ZNF541: variants seen among roughly 807,000 people sequenced by gnomAD.
The protein encoded by ZNF541 is zinc finger protein 541.
Under a neutral mutation model 123.5 loss-of-function variants are expected in ZNF541, and 23 were observed. That is an observed-to-expected ratio of 0.19 (90% CI 0.13 to 0.26). The LOEUF (loss-of-function observed/expected upper bound fraction) is 0.26, where lower values mean the gene tolerates loss of function less well. Ranked by LOEUF, ZNF541 falls within the 10% of genes least tolerant of loss-of-function variation. ZNF541 has a pLI of 1.00. For synonymous variants in ZNF541, 751 were observed against 754.5 expected (o/e 1.00, Z 0.08); for missense variants, 1,612 against 1,789.9 (o/e 0.90, Z 1.79).
intron 2 of ZNF541, among the ~76,000 whole-genome samples, chr19:47,571,251 T>C (rs1328935688): frequency 6.6e-6 from 1 of 152,014 alleles, no homozygotes; most frequent in African/African-American, 2.4e-5. Context: ...TAGCTGGGAC[T>C]ACAGGCGCCT....
At chr19:47,564,996 A>C (rs1971207471) in intron 2 of ZNF541, among the ~76,000 whole-genome samples, 1 of 152,226 alleles carries the variant, frequency 6.6e-6, no homozygotes, top group Admixed American at 6.5e-5. Flanking sequence ...AAATAATGGC[A>C]TTCACAGCAA....
At position 47,532,204 on chromosome 19, in the gene ZNF541, T is replaced by G; in HGVS notation, c.3225A>C (p.Gly1075=). 6.4e-7 allele frequency: 1 copy of G among 1,551,848 alleles called. No homozygotes were observed. Among genetic ancestry groups the G allele is most frequent in the East Asian group, 2.4e-5 (1 of 40,924 alleles). The change falls in exon 11 of 17, where the codon GGA becomes GGC. Residue 1075 remains glycine, a synonymous_variant. Coordinates refer to ENST00000391901, the MANE Select transcript of ZNF541 (RefSeq NM_001277075.3). ...IPELQERSLA[G]TDEHVASLVW... ...CCAGAGAAGCTACATGCTCGTCAGTTCCAGCCAGGGATCTCTCCTGGAGTT... is the reference window on the plus strand; with the variant it reads ...CCAGAGAAGCTACATGCTCGTCAGTGCCAGCCAGGGATCTCTCCTGGAGTT...
intron 14 of ZNF541, among the ~76,000 whole-genome samples, chr19:47,524,078 C>G (rs1241792324): frequency 6.6e-6 from 1 of 152,140 alleles, no homozygotes; most frequent in African/African-American, 2.4e-5. Context: ...AGGGCAGTGA[C>G]ACAGTCTTGC....
chr19:47,545,137 G>A lies in ZNF541; in HGVS notation c.1392C>T (p.Pro464=), dbSNP rs1970276612. 2 of 1,482,172 alleles carry A rather than the reference G, an allele frequency of 1.3e-6. No individual in the cohort carries two copies. The allele number at this position is 1,482,172 out of a possible 1,614,324, so 91.8% of individuals were successfully genotyped here. The change falls in exon 5 of 17, where the codon CCC becomes CCT. Residue 464 remains proline (P), a synonymous_variant. Transcript: ENST00000391901. This position sits in a 1 kb window ranked among gnomAD's most constrained non-coding sequence, Gnocchi z 7.5. The part of the protein sequence containing the change: ...GSPSEESPPG[P]GGGLEDALPF... ...GCAGAGCATCCTCCAGGCCACCGCC[G>A]GGGCCGGGCGGGGACTCCTCCGAGG...
chr19:47,545,481 A>C lies in ZNF541; in HGVS notation c.1048T>G (p.Phe350Val), dbSNP rs1478529421. The C allele has an allele frequency of 3.4e-6, 5 of 1,489,816 alleles. No homozygotes were observed. The South Asian group carries it at 6.7e-5, about 20-fold the overall frequency. The allele number at this position is 1,489,816 out of a possible 1,614,324, so 92.3% of individuals were successfully genotyped here. The stretch of plus-strand genomic sequence containing the variant: ...GCGGCCCTGGAATTAGGGGCTGTGA[A>C]CACGTCAGTGGCCGGCTCTTTCTGT... Reference protein sequence around the residue: ...LPQKEPATDVFTAPNSRAAEN... With the variant: ...LPQKEPATDVVTAPNSRAAEN... The change falls in exon 5 of 17, where the codon TTC becomes GTC. Residue 350 changes from phenylalanine (F) to valine (V), a missense_variant. Transcript: ENST00000391901. The surrounding 1 kb of genome is among the most constrained non-coding windows in gnomAD (Gnocchi z 7.5).
chr19:47,567,436 T>C (rs530536766), intron 2 of ZNF541, among the ~76,000 whole-genome samples: 1 of 152,232 alleles, frequency 6.6e-6, no homozygotes, highest in African/African-American at 2.4e-5. Flanking sequence ...TTTTTGTATT[T>C]TTAGTAGAGA....
chr19:47,521,868 T>C lies in ZNF541; in HGVS notation c.3697A>G (p.Arg1233Gly). The change falls in exon 15 of 17, where the codon AGG becomes GGG. Residue 1233 changes from arginine to glycine, a missense_variant. Transcript: ENST00000391901. The surrounding 1 kb of genome is among the most constrained non-coding windows in gnomAD (Gnocchi z 4.2). ...RVKREPEEVE[R>G]TEEKVPCSPR... is the part of the protein sequence containing the mutation. ...GGTTCCTCTACCTTTTCCTCTGTCC[T>C]TTCCACTTCCTCCGGCTCTCTCTTG... is the stretch of plus-strand genomic sequence containing the variant. 1 of 1,551,796 alleles carries C rather than the reference T, an allele frequency of 6.4e-7. No homozygotes were observed. Among genetic ancestry groups the C allele is most frequent in the Non-Finnish European group, 8.7e-7 (1 of 1,147,006 alleles).
chr19:47,521,577 G>A lies in ZNF541; in HGVS notation c.3789C>T (p.Ser1263=). The stretch of plus-strand genomic sequence containing the variant: ...CTGCATTTGGGCTGGAGCTGAGGAT[G>A]GACTCCCTCCTATAACTCTTGGTCT... ...KLKTKSYRRE[S]ILSSSPNAGS... The change falls in exon 16 of 17, where the codon TCC becomes TCT. Residue 1263 remains serine, a synonymous_variant. Coordinates refer to ENST00000391901, the MANE Select transcript of ZNF541 (RefSeq NM_001277075.3). The surrounding 1 kb of genome is among the most constrained non-coding windows in gnomAD (Gnocchi z 4.2). 1.3e-6 allele frequency: 2 copies of A among 1,551,704 alleles called. No homozygotes were observed. The highest frequency in any genetic ancestry group is 1.7e-6 in the Non-Finnish European group (2 of 1,146,976).
At chr19:47,537,256 ATC>A (rs1969863752) in intron 9 of ZNF541, among the ~76,000 whole-genome samples, 1 of 152,098 alleles carries the variant, frequency 6.6e-6, no homozygotes, top group African/African-American at 2.4e-5. Context: ...AGCTCAATAA[ATC>A]TGTTAGGAAA....
Position 47,521,976 on chromosome 19 carries a change from C to T in ZNF541, c.3589G>A (p.Ala1197Thr), listed in dbSNP as rs377161876. 9.7e-6 allele frequency: 15 copies of T among 1,552,160 alleles called. No homozygotes were observed. The African/African-American group carries it at 1.8e-4, about 18-fold the overall frequency. Residue 1197 changes from alanine (A) to threonine (T), a missense_variant, in exon 15 of 17, where the codon GCT becomes ACT. Ala to Thr is a moderately conservative substitution (Grantham distance 58). Around this residue, in one of 5 missense-constraint regions of ZNF541, gnomAD observed 285 missense variants for 407.3 expected, o/e 0.70. Transcript: ENST00000391901. The surrounding 1 kb of genome is among the most constrained non-coding windows in gnomAD (Gnocchi z 4.2). ...ATGTAATAATACTCAACGCACTGAG[C>T]TACCGTCTTTGTCTGGATCTAGTGA... ...IHKMIQTKTV[A>T]QCVEYYYIWK...
In ZNF541 at chr19:47,549,430, G is replaced by A; in HGVS notation, c.363C>T (p.Thr121=). The A allele has an allele frequency of 6.4e-6, 10 of 1,551,688 alleles. No individual in the cohort carries two copies. The highest frequency in any genetic ancestry group is 7.8e-6 in the Non-Finnish European group (9 of 1,147,000). ...GCTTTCCTTTCCTGGCACTCCCCGAGGTGGCCCTTCCTCCTTCGTCAGCCT... is the reference window on the plus strand; with the variant it reads ...GCTTTCCTTTCCTGGCACTCCCCGAAGTGGCCCTTCCTCCTTCGTCAGCCT... ...AKEADEGGRA[T]SGSARKGKRQ... The change falls in exon 4 of 17, where the codon ACC becomes ACT. Residue 121 remains threonine, a synonymous_variant. Coordinates refer to ENST00000391901, the MANE Select transcript of ZNF541 (RefSeq NM_001277075.3).
intron 5 of ZNF541, 63 bp from the exon 6 acceptor site, chr19:47,541,014 T>A (rs2123085074): frequency 4.1e-6 from 6 of 1,458,776 alleles, no homozygotes; most frequent in South Asian, 1.3e-5. Flanking sequence ...GAGCTCAAAT[T>A]ACAGACTTTT....
chr19:47,546,292 G>C (rs1010321572), intron 4 of ZNF541, among the ~76,000 whole-genome samples: 4 of 151,504 alleles, frequency 2.6e-5, no homozygotes, highest in African/African-American at 7.3e-5. Context: ...TGGATCACTT[G>C]AGGTCAGGAG....
chr19:47,548,551 A>G (rs1312895096), intron 4 of ZNF541, among the ~76,000 whole-genome samples: 1 of 152,058 alleles, frequency 6.6e-6, no homozygotes, highest in African/African-American at 2.4e-5. Flanking sequence ...ATCCCAAAAC[A>G]CAGAGAACAC....
At chr19:47,543,075 G>A (rs905478072) in intron 5 of ZNF541, among the ~76,000 whole-genome samples, 1 of 152,098 alleles carries the variant, frequency 6.6e-6, no homozygotes, top group African/African-American at 2.4e-5. Context: ...AGGGGTTCAA[G>A]ACCAGGCTGG....
At chr19:47,556,746 T>C (rs1418313171) in intron 2 of ZNF541, among the ~76,000 whole-genome samples, 1 of 149,724 alleles carries the variant, frequency 6.7e-6, no homozygotes, top group Non-Finnish European at 1.5e-5. Context: ...GGAATGATAA[T>C]TTTTTTTCTT....
In ZNF541 at chr19:47,529,031, G is replaced by A. The variant is rs1017736247; in HGVS notation, c.3489C>T (p.Asp1163=). The A allele has an allele frequency of 2.7e-5, 42 of 1,551,150 alleles. No individual in the cohort carries two copies. Among genetic ancestry groups the A allele is most frequent in the East Asian group, 4.9e-5 (2 of 40,916 alleles). Reference sequence around the variant, plus strand: ...GCCTCTTCTCTATAGGGGTCCAGACGTCTGAACCTATCAAAGAACACAGCC... The same window carrying A: ...GCCTCTTCTCTATAGGGGTCCAGACATCTGAACCTATCAAAGAACACAGCC... The part of the protein sequence containing the change: ...LLADYRYTGS[D]VWTPIEKRLF... The change falls in exon 14 of 17, where the codon GAC becomes GAT. Residue 1163 remains aspartate, a synonymous_variant. Transcript: ENST00000391901.
rs1969019130 is a variant in ZNF541 at position 47,521,407 on chromosome 19, G to A, written c.3888-30C>T. The stretch of plus-strand genomic sequence containing the variant: ...GGAGTCACCAGAGGACATGGGGTCA[G>A]AGCAGGGAGGAAGGGATCACAGGGG... On this transcript the variant is annotated intron_variant, in intron 16 of 16. Transcript: ENST00000391901. The surrounding 1 kb of genome is among the most constrained non-coding windows in gnomAD (Gnocchi z 4.2). The A allele has an allele frequency of 1.3e-6, 2 of 1,551,118 alleles. No individual in the cohort carries two copies. Among genetic ancestry groups the A allele is most frequent in the Admixed American group, 3.9e-5 (2 of 50,988 alleles).
At chr19:47,532,101 G>A (rs1308110331) in intron 11 of ZNF541, 27 bp downstream of exon 11, 3 of 1,549,682 alleles carry the variant, frequency 1.9e-6, no homozygotes, top group Non-Finnish European at 2.6e-6. Flanking sequence ...AGGGCCCTTA[G>A]GAATTTAGCC....
Sources: gnomAD v4.1 joint callset for allele counts (sites outside exome capture counted in the v4.1 genomes callset) on GRCh38, gnomAD v4.1.1 for gene constraint, gnomAD v4.1.1 regional missense constraint, Gnocchi (gnomAD v3.1) non-coding constraint, MANE v1.5 for transcripts, NCBI Gene and HGNC (gene_info 2026-07-23, HGNC 2026-07-21) for gene names.